TSPAN33: variants seen among roughly 807,000 people sequenced by gnomAD.
The protein encoded by TSPAN33 is tetraspanin 33, also known as tetraspanin-33.
TSPAN33 carries 27 observed loss-of-function variants against 34.8 expected under a neutral mutation model. The ratio of observed to expected loss-of-function variants is 0.78; its 90% CI spans 0.57 to 1.07. The LOEUF (loss-of-function observed/expected upper bound fraction) is 1.07. Ranked by LOEUF, TSPAN33 falls within the 50% of genes least tolerant of loss-of-function variation. TSPAN33 has a pLI of 0.00. For missense variants in TSPAN33, 272 were observed against 324.9 expected, an observed-to-expected ratio of 0.84 and a Z score of 1.25; for synonymous variants, 119 against 124.2, an observed-to-expected ratio of 0.96 and a Z score of 0.28.
At chr7:129,166,092 A>G (rs1447838824) in intron 5 of TSPAN33, among the ~76,000 whole-genome samples, 1 of 151,928 alleles carries the variant, frequency 6.6e-6, no homozygotes, top group East Asian at 1.9e-4. Flanking sequence ...TGCCTGCCAA[A>G]CCACGCCCAG....
intron 1 of TSPAN33, among the ~76,000 whole-genome samples, chr7:129,150,017 A>C (rs1810572076): frequency 6.6e-6 from 1 of 152,196 alleles, no homozygotes; most frequent in Admixed American, 6.5e-5. Flanking sequence ...AGAGGTGGAG[A>C]CCACTGCCTT....
At chr7:129,157,098 G>T (rs1019946381) in intron 1 of TSPAN33, among the ~76,000 whole-genome samples, 2 of 152,210 alleles carry the variant, frequency 1.3e-5, no homozygotes, top group Admixed American at 1.3e-4. Flanking sequence ...TCATGATATT[G>T]TGAGGTGCCA....
In TSPAN33 at chr7:129,168,122, G is replaced by T; in HGVS notation, c.*248G>T. On this transcript the variant is annotated 3_prime_UTR_variant, in exon 8 of 8. Coordinates refer to ENST00000486685, the MANE Select transcript of TSPAN33 (RefSeq NM_178562.5). ...CAGAGTGATACCCTTAAGTGTTTGG[G>T]TTTATGTTTTCAGTTTTGTTTGGGA... is the stretch of plus-strand genomic sequence containing the variant. 1 of 661,006 alleles carries T rather than the reference G, an allele frequency of 1.5e-6. No individual in the cohort carries two copies. 40.9% of individuals were successfully genotyped at this position (661,006 alleles called of 1,614,324 possible).
chr7:129,146,228 C>T (rs533283045), intron 1 of TSPAN33, among the ~76,000 whole-genome samples: 9 of 152,114 alleles, frequency 5.9e-5, no homozygotes, highest in Admixed American at 3.3e-4. Flanking sequence ...TCACAGGGCC[C>T]GTGGGGTGAG....
chr7:129,154,879 A>G (rs150895416), intron 1 of TSPAN33, among the ~76,000 whole-genome samples: 123 of 152,380 alleles, frequency 8.1e-4, no homozygotes, highest in Non-Finnish European at 1.0e-3. Context: ...AAATAGAACT[A>G]CTAGACAATC....
At chr7:129,151,070 C>G (rs184333179) in intron 1 of TSPAN33, among the ~76,000 whole-genome samples, 11 of 152,302 alleles carry the variant, frequency 7.2e-5, no homozygotes, top group African/African-American at 2.6e-4. Flanking sequence ...AGCTCTGCTT[C>G]TCAAGGCTTG....
rs1793194138 is a variant in TSPAN33 at position 129,169,269 on chromosome 7, C to A, written c.*1395C>A. ...GACTCCGAGGAAGCTCGGCGCGGTG[C>A]GCTGGGCCTCCTGGCGCCGGGAGGA... On this transcript the variant is annotated 3_prime_UTR_variant, in exon 8 of 8. Transcript: ENST00000486685. 6.6e-6 allele frequency among the ~76,000 whole-genome samples: 1 copy of A among 152,110 alleles called. No homozygotes were observed. Among genetic ancestry groups the A allele is most frequent in the Non-Finnish European group, 1.5e-5 (1 of 68,002 alleles).
intron 1 of TSPAN33, among the ~76,000 whole-genome samples, chr7:129,151,849 C>G (rs1383879019): frequency 6.6e-6 from 1 of 152,122 alleles, no homozygotes; most frequent in Non-Finnish European, 1.5e-5. Flanking sequence ...CAGAGACATA[C>G]ACCTAGCAGC....
chr7:129,162,527 T>C lies in TSPAN33; in HGVS notation c.288+6T>C, dbSNP rs1335011758. 1.2e-6 allele frequency: 2 copies of C among 1,611,746 alleles called. No homozygotes were observed. Among genetic ancestry groups the C allele is most frequent in the South Asian group, 1.1e-5 (1 of 91,078 alleles). On this transcript the variant is annotated splice_donor_region_variant and intron_variant, in intron 3 of 7. Coordinates refer to ENST00000486685, the MANE Select transcript of TSPAN33 (RefSeq NM_178562.5). ...ACATCTGCCTCCTGCAGACGGTGAG[T>C]GGTCAAGGCCCCACTGGAAAGACCC...
At chr7:129,149,904 T>C (rs187361843) in intron 1 of TSPAN33, among the ~76,000 whole-genome samples, 1 of 152,190 alleles carries the variant, frequency 6.6e-6, no homozygotes, top group Non-Finnish European at 1.5e-5. Context: ...AAGACCAGTA[T>C]GTGAAGGTCA....
At position 129,144,991 on chromosome 7, in the gene TSPAN33, G is replaced by C; in HGVS notation, c.11G>C (p.Arg4Thr). Residue 4 changes from arginine (R) to threonine (T), a missense_variant, in exon 1 of 8, where the codon AGA becomes ACA. Arg to Thr is a moderately conservative substitution (Grantham distance 71). Coordinates refer to ENST00000486685, the MANE Select transcript of TSPAN33 (RefSeq NM_178562.5). MAR[R>T]PRAPAASGEE... Reference sequence around the variant, plus strand: ...GGCGGCGGCGGGGCCATGGCGCGGAGACCCCGGGCGCCGGCCGCCTCCGGG... The same window carrying C: ...GGCGGCGGCGGGGCCATGGCGCGGACACCCCGGGCGCCGGCCGCCTCCGGG... The C allele has an allele frequency of 1.5e-6, 1 of 653,962 alleles. No individual in the cohort carries two copies. The highest frequency in any genetic ancestry group is 2.8e-6 in the Non-Finnish European group (1 of 357,916). The allele number at this position is 653,962 out of a possible 1,614,324, so 40.5% of individuals were successfully genotyped here. A position where few individuals can be genotyped will look rare whatever the true frequency, so the allele number is the denominator to read the frequency against.
chr7:129,145,508 G>C (rs913941084), intron 1 of TSPAN33, among the ~76,000 whole-genome samples: 3 of 152,068 alleles, frequency 2.0e-5, no homozygotes, highest in African/African-American at 4.8e-5. Flanking sequence ...ACCTCAGAGA[G>C]GATGGGTTAC....
intron 4 of TSPAN33, among the ~76,000 whole-genome samples, chr7:129,163,333 C>CT (rs57365994): frequency 0.49 from 61,628 of 124,784 alleles, 15,649 homozygotes; most frequent in East Asian, 0.68. Flanking sequence ...TTCTTTCTTT[C>CT]TTTTTTTTTT....
In TSPAN33 at chr7:129,169,261, G is replaced by C. The variant is rs990675440; in HGVS notation, c.*1387G>C. 1.4e-4 allele frequency among the ~76,000 whole-genome samples: 21 copies of C among 152,264 alleles called. No individual in the cohort carries two copies. The highest frequency in any genetic ancestry group is 2.4e-4 in the Non-Finnish European group (16 of 68,006). ...GTAGGGAGGACTCCGAGGAAGCTCG[G>C]CGCGGTGCGCTGGGCCTCCTGGCGC... On this transcript the variant is annotated 3_prime_UTR_variant, in exon 8 of 8. Coordinates refer to ENST00000486685, the MANE Select transcript of TSPAN33 (RefSeq NM_178562.5).
At position 129,161,660 on chromosome 7, in the gene TSPAN33, T is replaced by G. The variant is rs754028813; in HGVS notation, c.103-19T>G. The G allele has an allele frequency of 2.5e-6, 4 of 1,613,954 alleles. No individual in the cohort carries two copies. Among genetic ancestry groups the G allele is most frequent in the South Asian group, 2.2e-5 (2 of 91,066 alleles). On this transcript the variant is annotated intron_variant, in intron 1 of 7. Transcript: ENST00000486685. ...GGTTTCCAGAATCTCAGGGTCTGGC[T>G]CTTTTCCTGTCTCCACAGGTGATTT...
At chr7:129,164,705 G>C (rs1793110337) in intron 5 of TSPAN33, 136 bp downstream of exon 5, 1 of 739,738 alleles carries the variant, frequency 1.4e-6, no homozygotes, top group Non-Finnish European at 2.4e-6. Context: ...TGGCAAAAAA[G>C]CACACGTAGC....
chr7:129,159,579 T>C (rs117774777), intron 1 of TSPAN33, among the ~76,000 whole-genome samples: 2,538 of 152,356 alleles, frequency 0.017, 30 homozygotes, highest in East Asian at 0.057. Context: ...CATTTTTCAA[T>C]AGTTCAGTAA....
chr7:129,162,572 C>T (rs756736039), intron 3 of TSPAN33, 51 bp downstream of exon 3: 3 of 1,602,768 alleles, frequency 1.9e-6, no homozygotes, highest in East Asian at 2.2e-5. Flanking sequence ...CCCCATCATG[C>T]CTCTTAGCCT....
intron 1 of TSPAN33, among the ~76,000 whole-genome samples, chr7:129,157,637 A>T (rs1320801259): frequency 6.6e-6 from 1 of 152,116 alleles, no homozygotes; most frequent in Non-Finnish European, 1.5e-5. Context: ...AAAGATTCTG[A>T]TCGACTTGGT....
Sources: allele counts gnomAD v4.1 joint callset (sites outside exome capture counted in the v4.1 genomes callset), GRCh38; gene constraint gnomAD v4.1.1; transcripts MANE v1.5; gene names NCBI Gene and HGNC (gene_info 2026-07-23, HGNC 2026-07-21).